HYCC1: variants seen among roughly 807,000 people sequenced by gnomAD.
HYCC1 encodes hyccin.
At chr7:22,961,556 A>G in the HYCC1 span, among the ~76,000 whole-genome samples, 1 of 152,228 alleles carries the variant, frequency 6.6e-6, no homozygotes, top group African/African-American at 2.4e-5. Flanking sequence ...AAAGAACATG[A>G]CTATTTATAG....
chr7:22,935,761 A>G, the HYCC1 span: 1 of 151,910 alleles, frequency 6.6e-6, no homozygotes, highest in Non-Finnish European at 1.5e-5. Context: ...TTCTCCTGCC[A>G]CAGCCTCCTG....
the HYCC1 span, among the ~76,000 whole-genome samples, chr7:22,976,010 G>A: frequency 6.6e-6 from 1 of 152,138 alleles, no homozygotes; most frequent in Non-Finnish European, 1.5e-5. Flanking sequence ...ATGAGCTATC[G>A]CATCCGGCCC....
the HYCC1 span, chr7:22,976,298 C>T: frequency 6.2e-7 from 1 of 1,608,818 alleles, no homozygotes. Flanking sequence ...AATGTCAACA[C>T]TTCAAACCTA....
At chr7:22,965,884 G>A in the HYCC1 span, among the ~76,000 whole-genome samples, 4 of 152,068 alleles carry the variant, frequency 2.6e-5, no homozygotes, top group East Asian at 1.9e-4. Context: ...CCTCCCAGTC[G>A]CTGAGATTAC....
At chr7:23,002,148 A>ATATATATATATATACACAAT in the HYCC1 span, among the ~76,000 whole-genome samples, 118 of 25,356 alleles carry the variant, frequency 4.7e-3, no homozygotes, top group African/African-American at 0.026. Flanking sequence ...ATATATATAT[A>ATATATATATATATACACAAT]TATATATATA....
chr7:23,000,853 G>A, the HYCC1 span, among the ~76,000 whole-genome samples: 1 of 151,572 alleles, frequency 6.6e-6, no homozygotes, highest in African/African-American at 2.4e-5. Context: ...GACAGACCTC[G>A]GAGGACAGCA....
chr7:22,994,571 G>T, the HYCC1 span, among the ~76,000 whole-genome samples: 1 of 152,034 alleles, frequency 6.6e-6, no homozygotes, highest in Non-Finnish European at 1.5e-5. Context: ...AGTCAGCCCT[G>T]GGTCTCTTAT....
chr7:22,994,084 G>GT, the HYCC1 span, among the ~76,000 whole-genome samples: 11 of 152,200 alleles, frequency 7.2e-5, no homozygotes, highest in African/African-American at 2.6e-4. Flanking sequence ...GGGCTCAAGG[G>GT]GTCCTCCCAC....
the HYCC1 span, among the ~76,000 whole-genome samples, chr7:22,923,994 T>TG: frequency 8.2e-5 from 3 of 36,748 alleles, no homozygotes; most frequent in African/African-American, 2.0e-4. Flanking sequence ...CTGACTTTAA[T>TG]GAAAAAAAAA....
chr7:22,967,242 A>G, the HYCC1 span, among the ~76,000 whole-genome samples: 1 of 152,234 alleles, frequency 6.6e-6, no homozygotes, highest in Admixed American at 6.5e-5. Context: ...AAGATGTGGT[A>G]AAGGAGAGAA....
At chr7:22,998,588 C>A in the HYCC1 span, among the ~76,000 whole-genome samples, 2 of 152,120 alleles carry the variant, frequency 1.3e-5, no homozygotes, top group Non-Finnish European at 2.9e-5. Flanking sequence ...CAGCAAGTAT[C>A]TAATAAATAT....
the HYCC1 span, among the ~76,000 whole-genome samples, chr7:22,959,745 A>G: frequency 6.6e-6 from 1 of 152,146 alleles, no homozygotes; most frequent in South Asian, 2.1e-4. Context: ...ATATATATAC[A>G]CACACACATA....
chr7:22,973,016 A>G, the HYCC1 span, among the ~76,000 whole-genome samples: 2 of 152,194 alleles, frequency 1.3e-5, no homozygotes, highest in Non-Finnish European at 2.9e-5. Context: ...GGTTGTATTT[A>G]TGTATCCTTT....
At chr7:22,996,164 G>A in the HYCC1 span, among the ~76,000 whole-genome samples, 1 of 151,814 alleles carries the variant, frequency 6.6e-6, no homozygotes, top group Non-Finnish European at 1.5e-5. Context: ...ATGGTGGCAT[G>A]TGCAGGTGAT....
chr7:22,927,276 G>A, the HYCC1 span, among the ~76,000 whole-genome samples: 1 of 152,090 alleles, frequency 6.6e-6, no homozygotes, highest in Admixed American at 6.6e-5. Flanking sequence ...AAAAGAACTA[G>A]AGAAGCAAGA....
the HYCC1 span, chr7:22,935,873 TTC>T: frequency 0.073 from 11,085 of 151,210 alleles, 573 homozygotes; most frequent in East Asian, 0.17. Flanking sequence ...GGTCTTGAAC[TTC>T]TGACTTTAGG....
chr7:22,967,006 C>T, the HYCC1 span, among the ~76,000 whole-genome samples: 10 of 152,208 alleles, frequency 6.6e-5, no homozygotes, highest in South Asian at 4.1e-4. Context: ...TACTTTCTTA[C>T]ATCTCACATT....
At chr7:22,976,576 T>G in the HYCC1 span, 1 of 740,424 alleles carries the variant, frequency 1.4e-6, no homozygotes, top group Non-Finnish European at 2.4e-6. Context: ...ATAAAATGAC[T>G]CAGTATTCAA....
chr7:22,931,412 G>A, the HYCC1 span, among the ~76,000 whole-genome samples: 2 of 152,118 alleles, frequency 1.3e-5, no homozygotes, highest in Non-Finnish European at 2.9e-5. Context: ...GAGGTAATTT[G>A]TTACAGTACC....
Sources: allele counts gnomAD v4.1 joint callset (sites outside exome capture counted in the v4.1 genomes callset), GRCh38; gene constraint gnomAD v4.1.1; transcripts MANE v1.5; gene names NCBI Gene and HGNC (gene_info 2026-07-23, HGNC 2026-07-21).